PDCD10: variants seen among roughly 807,000 people sequenced by gnomAD.
PDCD10 encodes programmed cell death 10.
In PDCD10, 4 loss-of-function variants were observed where a neutral mutation model predicts 29.2. The observed-to-expected ratio is 0.14, with a 90% CI of 0.07 to 0.31. The LOEUF is 0.31. Among genes scored for constraint, PDCD10 ranks in the 10% least tolerant of loss-of-function variants. PDCD10 has a pLI of 1.00. For missense variants in PDCD10, 183 were observed against 257.9 expected, an observed-to-expected ratio of 0.71 and a Z score of 1.99; for synonymous variants, 70 against 82.2, an observed-to-expected ratio of 0.85 and a Z score of 0.80.
intron 2 of PDCD10, among the ~76,000 whole-genome samples, chr3:167,730,184 T>A (rs1230986020): frequency 4.0e-5 from 6 of 151,506 alleles, no homozygotes; most frequent in Admixed American, 3.9e-4. Flanking sequence ...CTAATTGCTA[T>A]AATAAATGTG....
chr3:167,726,115 T>G (rs1409242293), intron 2 of PDCD10, among the ~76,000 whole-genome samples: 2 of 54,538 alleles, frequency 3.7e-5, no homozygotes, highest in Non-Finnish European at 6.7e-5. Flanking sequence ...TAGAGTACTG[T>G]TTTTTTTTTT....
chr3:167,697,948 A>G, intron 4 of PDCD10: 1 of 456,556 alleles, frequency 2.2e-6, no homozygotes, highest in South Asian at 1.5e-5. Flanking sequence ...AATTTTAATC[A>G]TTATGCTGAT....
At chr3:167,724,967 T>C (rs1406837688) in intron 2 of PDCD10, among the ~76,000 whole-genome samples, 1 of 152,148 alleles carries the variant, frequency 6.6e-6, no homozygotes, top group Non-Finnish European at 1.5e-5. Flanking sequence ...CAGAGAATCA[T>C]ACTCATCAGC....
chr3:167,685,154 G>A lies in PDCD10; in HGVS notation c.558-765C>T, dbSNP rs1008911996. Among the ~76,000 whole-genome samples the A allele has an allele frequency of 7.9e-5, 12 of 152,164 alleles. 1 individual carries two copies. The highest frequency in any genetic ancestry group is 7.2e-4 in the Admixed American group (11 of 15,284). The stretch of plus-strand genomic sequence containing the variant: ...GGACTGGACCTGGTGGCTCGCACCT[G>A]TAATCCCAGCACTTTGGGAGGCCAA... On this transcript the variant is annotated intron_variant, in intron 8 of 8. Transcript: ENST00000392750.
intron 8 of PDCD10, 167 bp downstream of exon 8, chr3:167,687,067 C>G: frequency 1.8e-6 from 1 of 544,356 alleles, no homozygotes; most frequent in South Asian, 2.4e-5. Context: ...GGAGTTATGG[C>G]TAGATTAGCA....
At chr3:167,733,411 TG>T (rs1725019344) in intron 2 of PDCD10, among the ~76,000 whole-genome samples, 1 of 152,228 alleles carries the variant, frequency 6.6e-6, no homozygotes, top group East Asian at 1.9e-4. Context: ...CTGCAAGATA[TG>T]AACTATACGT....
chr3:167,727,130 G>T (rs1339234390), intron 2 of PDCD10, among the ~76,000 whole-genome samples: 6 of 152,116 alleles, frequency 3.9e-5, no homozygotes, highest in African/African-American at 4.8e-5. Flanking sequence ...GTAGCAGGCT[G>T]GGTTGCACAC....
chr3:167,712,780 TG>T (rs1722646730), intron 3 of PDCD10, among the ~76,000 whole-genome samples: 2 of 151,736 alleles, frequency 1.3e-5, no homozygotes, highest in African/African-American at 4.8e-5. Flanking sequence ...TCCATGCAAA[TG>T]GAAACCAAAA....
chr3:167,720,243 T>C lies in PDCD10; in HGVS notation c.-86A>G, dbSNP rs1723433690. On this transcript the variant is annotated 5_prime_UTR_variant, in exon 3 of 9. Transcript: ENST00000392750. ...CAATATTTCTTCTCTTTTTTGGTGA[T>C]AAAAGAATTGGACACAAAAAACACA... 3.3e-6 allele frequency: 3 copies of C among 903,900 alleles called. No homozygotes were observed. The highest frequency in any genetic ancestry group is 1.6e-5 in the African/African-American group (1 of 60,886). The allele number at this position is 903,900 out of a possible 1,614,324, so 56.0% of individuals were successfully genotyped here. A position where few individuals can be genotyped will look rare whatever the true frequency, so the allele number is the denominator to read the frequency against.
At chr3:167,707,203 T>TAA (rs1282964885) in intron 3 of PDCD10, among the ~76,000 whole-genome samples, 1 of 152,246 alleles carries the variant, frequency 6.6e-6, no homozygotes, top group African/African-American at 2.4e-5. Context: ...TCCGGCCTCT[T>TAA]AAAATCATCC....
At position 167,695,668 on chromosome 3, in the gene PDCD10, C is replaced by T. The variant is rs536633813; in HGVS notation, c.323G>A (p.Arg108Gln). 5.0e-6 allele frequency: 8 copies of T among 1,612,798 alleles called. No homozygotes were observed. The highest frequency in any genetic ancestry group is 3.3e-5 in the Admixed American group (2 of 60,010). ...PEFQDLNEKA[R>Q]ALKQILSKIP... ...CTTACTGAGAATTTGTTTAAGTGCT[C>T]GTGCCTTTTCGTTTAGGTCTTGGAA... Residue 108 changes from arginine to glutamine, a missense_variant, in exon 6 of 9, where the codon CGA becomes CAA. Arg to Gln is a conservative substitution (Grantham distance 43). Coordinates refer to ENST00000392750, the MANE Select transcript of PDCD10 (RefSeq NM_007217.4).
intron 2 of PDCD10, among the ~76,000 whole-genome samples, chr3:167,728,882 C>T (rs185739501): frequency 6.6e-6 from 1 of 152,204 alleles, no homozygotes; most frequent in African/African-American, 2.4e-5. Flanking sequence ...CACACTGCCA[C>T]TTGGCATTAA....
rs759043270 is a variant in PDCD10 at position 167,695,774 on chromosome 3, C to T, written c.269-52G>A. ...ACATCCTGCGACTCTCTGCCAAATTCATCACATCTAAGAATTTCCAATGTT... is the reference window on the plus strand; with the variant it reads ...ACATCCTGCGACTCTCTGCCAAATTTATCACATCTAAGAATTTCCAATGTT... On this transcript the variant is annotated intron_variant, in intron 5 of 8. Transcript: ENST00000392750. The T allele has an allele frequency of 7.7e-6, 12 of 1,568,174 alleles. No individual in the cohort carries two copies. In the Admixed American group the frequency reaches 1.8e-4, roughly 24 times the overall value.
chr3:167,734,858 C>T lies in PDCD10; in HGVS notation c.-450G>A, dbSNP rs1189423364. On this transcript the variant is annotated 5_prime_UTR_variant, in exon 1 of 9. Coordinates refer to ENST00000392750, the MANE Select transcript of PDCD10 (RefSeq NM_007217.4). ...CCACCTTGCAGCCCTCTTCAACTCC[C>T]GGATCAATTCACTCCGGCGACGCCG... 6.5e-6 allele frequency: 1 copy of T among 153,554 alleles called. No individual in the cohort carries two copies. The highest frequency in any genetic ancestry group is 1.5e-5 in the Non-Finnish European group (1 of 68,788). The allele number at this position is 153,554 out of a possible 1,614,324, so 9.5% of individuals were successfully genotyped here. A position where few individuals can be genotyped will look rare whatever the true frequency, so the allele number is the denominator to read the frequency against.
At chr3:167,732,410 A>T (rs1440140233) in intron 2 of PDCD10, among the ~76,000 whole-genome samples, 3 of 152,230 alleles carry the variant, frequency 2.0e-5, no homozygotes, top group African/African-American at 7.2e-5. Flanking sequence ...GGCTCCTGCA[A>T]AGTTCAAAAT....
At chr3:167,691,853 A>G (rs995137894) in intron 6 of PDCD10, among the ~76,000 whole-genome samples, 1 of 152,214 alleles carries the variant, frequency 6.6e-6, no homozygotes, top group African/African-American at 2.4e-5. Context: ...TTAATAGGTA[A>G]GTTCTGTGGC....
chr3:167,726,127 T>TG (rs1559979148), intron 2 of PDCD10, among the ~76,000 whole-genome samples: 1 of 143,032 alleles, frequency 7.0e-6, no homozygotes, highest in Non-Finnish European at 1.5e-5. Flanking sequence ...TTTTTTTTTT[T>TG]TTTTTTTTTT....
At chr3:167,717,426 T>C (rs561396317) in intron 3 of PDCD10, among the ~76,000 whole-genome samples, 77 of 152,212 alleles carry the variant, frequency 5.1e-4, no homozygotes, top group African/African-American at 1.6e-3. Context: ...TCATCCTTAC[T>C]ATGGTACAAT....
At chr3:167,718,672 G>T (rs1723263719) in intron 3 of PDCD10, among the ~76,000 whole-genome samples, 1 of 151,516 alleles carries the variant, frequency 6.6e-6, no homozygotes, top group Non-Finnish European at 1.5e-5. Flanking sequence ...GCTAGATGCG[G>T]GACCCCACTC....
Sources: allele counts gnomAD v4.1 joint callset (sites outside exome capture counted in the v4.1 genomes callset), GRCh38; gene constraint gnomAD v4.1.1; transcripts MANE v1.5; gene names NCBI Gene and HGNC (gene_info 2026-07-23, HGNC 2026-07-21).